The following TMEM106A variants were observed in gnomAD, a reference collection of about 807,000 sequenced individuals.
TMEM106A encodes transmembrane protein 106A.
TMEM106A carries 22 observed loss-of-function variants against 25.1 expected under a neutral mutation model. The ratio of observed to expected loss-of-function variants is 0.88; its 90% CI spans 0.63 to 1.25. The LOEUF (loss-of-function observed/expected upper bound fraction) is 1.25. Among genes scored for constraint, TMEM106A ranks in the 50% most tolerant of loss-of-function variants. TMEM106A has a pLI of 0.00. For synonymous variants in TMEM106A, 104 were observed against 129.9 expected (o/e 0.80, Z 1.35); for missense variants, 275 against 318.1 (o/e 0.86, Z 1.03).
Position 43,217,659 on chromosome 17 carries a change from A to G in TMEM106A, c.669-22A>G, listed in dbSNP as rs777379095. 82 of 1,613,838 alleles carry G rather than the reference A, an allele frequency of 5.1e-5. 1 individual carries two copies. In the East Asian group the frequency reaches 1.8e-3, roughly 35 times the overall value. On this transcript the variant is annotated intron_variant, in intron 8 of 8. Transcript: ENST00000612339. The stretch of plus-strand genomic sequence containing the variant: ...TTTCCTTTTCCTCCCAGCCATGGCA[A>G]CAAGGCCTGCTTCCTCTCCAGGGGC...
In TMEM106A at chr17:43,213,847, G is replaced by T. The variant is rs1356828139; in HGVS notation, c.231G>T (p.Val77=). Residue 77 remains valine (V), a synonymous_variant, in exon 4 of 9, where the codon GTG becomes GTT. Coordinates refer to ENST00000612339, the MANE Select transcript of TMEM106A (RefSeq NM_145041.4). ...CTCTAGAGCTGGAGAAGCAGTTGGT[G>T]GCTCTCATTCCCTATGGGGACCAGA... ...KIPQELEKQL[V]ALIPYGDQRL... 6.2e-7 allele frequency: 1 copy of T among 1,614,044 alleles called. No individual in the cohort carries two copies.
Position 43,219,310 on chromosome 17 carries a change from T to A in TMEM106A, c.*1509T>A, listed in dbSNP as rs1398386221. 6.6e-6 allele frequency: 1 copy of A among 152,138 alleles called. No individual in the cohort carries two copies. The highest frequency in any genetic ancestry group is 2.4e-5 in the African/African-American group (1 of 41,412). 9.4% of individuals were successfully genotyped at this position (152,138 alleles called of 1,614,324 possible). ...GGAGCAGCACATCAGCAGGGACTGG[T>A]CTAGACCCTCCCTTTCCTGTCACTT... On this transcript the variant is annotated 3_prime_UTR_variant, in exon 9 of 9. Transcript: ENST00000612339.
rs1380179354 is a variant in TMEM106A, at chr17:43,217,929, C to G, written c.*128C>G. 2.2e-6 allele frequency: 3 copies of G among 1,349,430 alleles called. No homozygotes were observed. Among genetic ancestry groups the G allele is most frequent in the East Asian group, 2.3e-5 (1 of 43,214 alleles). The allele number at this position is 1,349,430 out of a possible 1,614,324, so 83.6% of individuals were successfully genotyped here. A position where few individuals can be genotyped will look rare whatever the true frequency, so the allele number is the denominator to read the frequency against. ...AAGCCCTGCCTCATCACACCCTTAC[C>G]TCCCACCCCCTCAGCACAGGAAGCT... On this transcript the variant is annotated 3_prime_UTR_variant, in exon 9 of 9. Transcript: ENST00000612339.
Position 43,217,841 on chromosome 17 carries a change from G to A in TMEM106A, c.*40G>A, listed in dbSNP as rs2057501749. ...CTGTACTCCAGGCACCTGCAACCCT[G>A]GTCTATATCTCCCACAACTCCCTGG... On this transcript the variant is annotated 3_prime_UTR_variant, in exon 9 of 9. Coordinates refer to ENST00000612339, the MANE Select transcript of TMEM106A (RefSeq NM_145041.4). 1 of 1,612,400 alleles carries A rather than the reference G, an allele frequency of 6.2e-7. No individual in the cohort carries two copies. The highest frequency in any genetic ancestry group is 8.5e-7 in the Non-Finnish European group (1 of 1,179,148).
intron 7 of TMEM106A, 106 bp downstream of exon 7, chr17:43,216,846 C>T: frequency 6.9e-7 from 1 of 1,445,374 alleles, no homozygotes; most frequent in Middle Eastern, 2.0e-4. Flanking sequence ...CAGCCAGCAT[C>T]TGGCCTGCCC....
chr17:43,217,339 C>T (rs1209276196), intron 8 of TMEM106A, 27 bp downstream of exon 8: 1 of 1,613,136 alleles, frequency 6.2e-7, no homozygotes, highest in East Asian at 2.2e-5. Flanking sequence ...GCTCTGGTAT[C>T]CCTGCTCTCA....
rs140280648 is a variant in TMEM106A, at chr17:43,213,112, C to T, written c.71C>T (p.Pro24Leu). 2.5e-6 allele frequency: 4 copies of T among 1,614,212 alleles called. No individual in the cohort carries two copies. Among genetic ancestry groups the T allele is most frequent in the Middle Eastern group, 3.3e-4 (2 of 6,062 alleles). The change falls in exon 3 of 9, where the codon CCA becomes CTA. Residue 24 changes from proline to leucine, a missense_variant. Pro to Leu is a moderately conservative substitution (Grantham distance 98). Coordinates refer to ENST00000612339, the MANE Select transcript of TMEM106A (RefSeq NM_145041.4). The part of the protein sequence containing the change: ...DENKSILSSK[P>L]AIGSKAVNYS... ...AACAAGTCAATCCTGTCCTCCAAAC[C>T]AGCCATTGGCAGCAAGGCTGTCAAC... is the stretch of plus-strand genomic sequence containing the variant.
At chr17:43,216,871 A>G (rs2057491725) in intron 7 of TMEM106A, 131 bp downstream of exon 7, 1 of 1,208,268 alleles carries the variant, frequency 8.3e-7, no homozygotes, top group Admixed American at 1.7e-5. Flanking sequence ...ATGGCCGAGA[A>G]TGTAATAAGC....
At chr17:43,213,801 C>T (rs372435525) in intron 3 of TMEM106A, 27 bp from the exon 4 acceptor site, 2 of 1,612,776 alleles carry the variant, frequency 1.2e-6, no homozygotes, top group Admixed American at 1.7e-5. Context: ...GCATCTTGGC[C>T]CTCCCTCTCA....
In TMEM106A at chr17:43,218,858, T is replaced by A. The variant is rs970899293; in HGVS notation, c.*1057T>A. On this transcript the variant is annotated 3_prime_UTR_variant, in exon 9 of 9. Transcript: ENST00000612339. The stretch of plus-strand genomic sequence containing the variant: ...GATAGTAAGATTAGCCAAGGCCCTT[T>A]AGCCCTCTGTCCTTTCTGGTTATTG... 1 of 152,206 alleles carries A rather than the reference T, an allele frequency of 6.6e-6. No homozygotes were observed. Among genetic ancestry groups the A allele is most frequent in the African/African-American group, 2.4e-5 (1 of 41,466 alleles). 9.4% of individuals were successfully genotyped at this position (152,206 alleles called of 1,614,324 possible).
Position 43,213,161 on chromosome 17 carries a change from G to C in TMEM106A, c.120G>C (p.Lys40Asn). Residue 40 changes from lysine to asparagine, a missense_variant, in exon 3 of 9, where the codon AAG becomes AAC. Transcript: ENST00000612339. ...ACTACTCCAGCACCGGTAGCAGCAA[G>C]TCTTTTTGTTCCTGTGTGCCTTGTG... ...AVNYSSTGSSKSFCSCVPCEG... is the reference protein window; with the variant it reads ...AVNYSSTGSSNSFCSCVPCEG... 1 of 1,614,240 alleles carries C rather than the reference G, an allele frequency of 6.2e-7. No individual in the cohort carries two copies. The highest frequency in any genetic ancestry group is 8.5e-7 in the Non-Finnish European group (1 of 1,180,048).
intron 3 of TMEM106A, 72 bp downstream of exon 3, chr17:43,213,324 C>T: frequency 6.6e-7 from 1 of 1,512,450 alleles, no homozygotes; most frequent in South Asian, 1.1e-5. Flanking sequence ...CTGGGGCAGC[C>T]CCTCTGAGTC....
chr17:43,218,015 C>T lies in TMEM106A; in HGVS notation c.*214C>T. 2 of 638,726 alleles carry T rather than the reference C, an allele frequency of 3.1e-6. No homozygotes were observed. The highest frequency in any genetic ancestry group is 5.1e-6 in the Non-Finnish European group (2 of 389,544). The allele number at this position is 638,726 out of a possible 1,614,324, so 39.6% of individuals were successfully genotyped here. A position where few individuals can be genotyped will look rare whatever the true frequency, so the allele number is the denominator to read the frequency against. On this transcript the variant is annotated 3_prime_UTR_variant, in exon 9 of 9. Coordinates refer to ENST00000612339, the MANE Select transcript of TMEM106A (RefSeq NM_145041.4). ...TCCTCCAGTTTCCCCCAGATTCTTT[C>T]AGGGGCTGCCATCAGATTCTGCCCT...
rs1334478594 is a variant in TMEM106A, at chr17:43,217,722, T to TGG, written c.711_712dup (p.Val238GlyfsTer21). Reference sequence around the variant, plus strand: ...TCATACCTGAGCCATTCAGAGCAGCTGGTCTTTCAGAGCTATGAATATGTG... The same window carrying TGG: ...TCATACCTGAGCCATTCAGAGCAGCTGGGGTCTTTCAGAGCTATGAATATGTG... On this transcript the variant is annotated frameshift_variant, in exon 9 of 9. Coordinates refer to ENST00000612339, the MANE Select transcript of TMEM106A (RefSeq NM_145041.4). LOFTEE classifies it low-confidence loss of function (END_TRUNC). 1 of 1,614,092 alleles carries TGG rather than the reference T, an allele frequency of 6.2e-7. No homozygotes were observed. Among genetic ancestry groups the TGG allele is most frequent in the African/African-American group, 1.3e-5 (1 of 74,926 alleles).
Position 43,215,978 on chromosome 17 carries a change from A to G in TMEM106A, c.429+37A>G, listed in dbSNP as rs1419109031. 3 of 1,612,326 alleles carry G rather than the reference A, an allele frequency of 1.9e-6. No individual in the cohort carries two copies. The South Asian group carries it at 3.3e-5, about 18-fold the overall frequency. On this transcript the variant is annotated intron_variant, in intron 5 of 8. Transcript: ENST00000612339. ...CCCTTGGCTCCAAACCCCCCTTCCT[A>G]GCAATACTTCGCTGTAACCTTTGTC...
chr17:43,217,156 A>G lies in TMEM106A; in HGVS notation c.615-103A>G. ...TTTTGGGGGCACCTGATGGAAGGAA[A>G]GAGTTCTGTGGGGTAAGGAAACTGG... On this transcript the variant is annotated intron_variant, in intron 7 of 8. Coordinates refer to ENST00000612339, the MANE Select transcript of TMEM106A (RefSeq NM_145041.4). The G allele has an allele frequency of 2.5e-6, 3 of 1,213,694 alleles. No homozygotes were observed. The Admixed American group carries it at 5.1e-5, about 21-fold the overall frequency. 75.2% of individuals were successfully genotyped at this position (1,213,694 alleles called of 1,614,324 possible).
chr17:43,213,320 C>T, intron 3 of TMEM106A, 68 bp downstream of exon 3: 1 of 1,554,842 alleles, frequency 6.4e-7, no homozygotes, highest in Non-Finnish European at 8.8e-7. Flanking sequence ...TGGCCTGGGG[C>T]AGCCCCTCTG....
intron 3 of TMEM106A, 146 bp downstream of exon 3, chr17:43,213,398 ATACT>A (rs2057455152): frequency 3.7e-6 from 3 of 817,370 alleles, no homozygotes; most frequent in Non-Finnish European, 5.8e-6. Flanking sequence ...GGCCAGGGAG[ATACT>A]TAACTATCCT....
chr17:43,214,616 C>G (rs2057467668), intron 4 of TMEM106A, among the ~76,000 whole-genome samples: 1 of 152,086 alleles, frequency 6.6e-6, no homozygotes, highest in African/African-American at 2.4e-5. Flanking sequence ...TGGTGTCAAC[C>G]TGGGAGTCAC....
Sources: gnomAD v4.1 joint callset for allele counts (sites outside exome capture counted in the v4.1 genomes callset) on GRCh38, gnomAD v4.1.1 for gene constraint, MANE v1.5 for transcripts, NCBI Gene and HGNC (gene_info 2026-07-23, HGNC 2026-07-21) for gene names.